The following CAST variants were observed in gnomAD, a reference collection of about 807,000 sequenced individuals.
CAST encodes MIR583 host.
A neutral mutation model predicts 119.6 loss-of-function variants in CAST; 76 were observed. The observed-to-expected ratio is 0.64, with a 90% CI of 0.53 to 0.77. The LOEUF (loss-of-function observed/expected upper bound fraction) is 0.77. Ranked by LOEUF, CAST falls within the 30% of genes least tolerant of loss-of-function variation. The pLI is 0.00. For missense variants in CAST, 953 were observed against 946.5 expected (o/e 1.01, Z -0.09); for synonymous variants, 319 against 331.6 (o/e 0.96, Z 0.41).
chr5:96,125,113 TG>T, the CAST span, among the ~76,000 whole-genome samples: 9 of 152,180 alleles, frequency 5.9e-5, no homozygotes, highest in Admixed American at 2.0e-4. Context: ...CCTTACCAAA[TG>T]AGACTCTGAT....
chr5:96,242,379 C>T, the CAST span, among the ~76,000 whole-genome samples: 4 of 152,108 alleles, frequency 2.6e-5, no homozygotes, highest in African/African-American at 7.2e-5. Flanking sequence ...GATCTTCCCA[C>T]CTCAGCCTCC....
At chr5:96,057,787 A>C in the CAST span, among the ~76,000 whole-genome samples, 1 of 152,182 alleles carries the variant, frequency 6.6e-6, no homozygotes, top group East Asian at 1.9e-4. Context: ...TTTCTGCATG[A>C]AATGTTGTCA....
chr5:96,753,985 T>C, intron 20 of CAST, 75 bp from the exon 21 acceptor site: 5 of 839,456 alleles, frequency 6.0e-6, no homozygotes, highest in Non-Finnish European at 1.0e-5. Context: ...ATGATATGCC[T>C]TTCTGAATTG....
At chr5:96,386,584 G>A in the CAST span, among the ~76,000 whole-genome samples, 1 of 152,298 alleles carries the variant, frequency 6.6e-6, no homozygotes, top group African/African-American at 2.4e-5. Flanking sequence ...TGGTTCTAAA[G>A]TCCGTTTTGT....
the CAST span, among the ~76,000 whole-genome samples, chr5:96,497,016 C>A: frequency 8.6e-6 from 1 of 116,134 alleles, no homozygotes; most frequent in Non-Finnish European, 1.7e-5. Flanking sequence ...CCCCCTCCCC[C>A]CACCCCACAA....
chr5:96,609,545 C>T (rs1747322381), intron 1 of CAST, among the ~76,000 whole-genome samples: 1 of 152,156 alleles, frequency 6.6e-6, no homozygotes, highest in Non-Finnish European at 1.5e-5. Context: ...ATGCTCTTGT[C>T]CTGGGCTGAA....
chr5:96,659,033 T>C (rs1748203617), upstream of CAST, among the ~76,000 whole-genome samples: 1 of 152,226 alleles, frequency 6.6e-6, no homozygotes, highest in Admixed American at 6.5e-5. Context: ...AATCGATTCC[T>C]AGGTAGAACA....
chr5:95,990,604 C>T, the CAST span, among the ~76,000 whole-genome samples: 1 of 151,818 alleles, frequency 6.6e-6, no homozygotes, highest in African/African-American at 2.4e-5. Context: ...TAGAGTTGAG[C>T]TCATACAGCA....
the CAST span, among the ~76,000 whole-genome samples, chr5:96,394,309 A>C: frequency 1.2e-4 from 19 of 152,354 alleles, no homozygotes; most frequent in Admixed American, 3.3e-4. Context: ...CAGGAATGTG[A>C]ACGACTTATT....
the CAST span, among the ~76,000 whole-genome samples, chr5:96,419,220 C>A: frequency 6.7e-6 from 1 of 149,906 alleles, no homozygotes; most frequent in African/African-American, 2.5e-5. Flanking sequence ...TGTTTAAATG[C>A]CAGATATACA....
At chr5:96,538,756 C>CTCCGCTACATGATCTTCTTG (rs1745863610) in intron 1 of CAST, among the ~76,000 whole-genome samples, 1 of 151,376 alleles carries the variant, frequency 6.6e-6, no homozygotes, top group African/African-American at 2.4e-5. Context: ...ACACCGCTCC[C>CTCCGCTACATGATCTTCTTG]TCAGAAATGA....
At chr5:96,207,076 T>C in the CAST span, among the ~76,000 whole-genome samples, 541 of 152,124 alleles carry the variant, frequency 3.6e-3, 2 homozygotes, top group African/African-American at 0.013. Flanking sequence ...GTGAATAGGA[T>C]CACATTCTTG....
the CAST span, among the ~76,000 whole-genome samples, chr5:96,019,145 G>A: frequency 4.3e-3 from 650 of 152,236 alleles, 5 homozygotes; most frequent in African/African-American, 0.014. Flanking sequence ...TAATGTAAAC[G>A]TGGAAATGGA....
At chr5:96,315,126 C>T in the CAST span, among the ~76,000 whole-genome samples, 1 of 152,168 alleles carries the variant, frequency 6.6e-6, no homozygotes, top group African/African-American at 2.4e-5. Flanking sequence ...AATTCTGTGA[C>T]TCTTGTCTCC....
intron 1 of CAST, among the ~76,000 whole-genome samples, chr5:96,637,071 G>A (rs1747896791): frequency 1.3e-5 from 2 of 152,198 alleles, no homozygotes; most frequent in Admixed American, 1.3e-4. Context: ...AGAGTTGCAG[G>A]CTCAGCATGA....
At chr5:96,379,517 A>G in the CAST span, 1 of 152,168 alleles carries the variant, frequency 6.6e-6, no homozygotes, top group Non-Finnish European at 1.5e-5. Context: ...AAATTCTGAT[A>G]AATTACAGAT....
At chr5:95,981,734 G>A in the CAST span, among the ~76,000 whole-genome samples, 1 of 152,162 alleles carries the variant, frequency 6.6e-6, no homozygotes, top group African/African-American at 2.4e-5. Context: ...AATTAGCTGG[G>A]CATGGTGGCA....
At chr5:96,614,346 T>G (rs1487846493) in intron 1 of CAST, among the ~76,000 whole-genome samples, 2 of 152,150 alleles carry the variant, frequency 1.3e-5, no homozygotes, top group African/African-American at 4.8e-5. Flanking sequence ...GTGTGCAATC[T>G]TACCTACTAC....
At chr5:96,391,873 A>G in the CAST span, 2 of 152,384 alleles carry the variant, frequency 1.3e-5, no homozygotes, top group South Asian at 4.1e-4. Context: ...ATTAAGGTCC[A>G]TGGCCTGCCA....
Sources: gnomAD v4.1 joint callset for allele counts (sites outside exome capture counted in the v4.1 genomes callset) on GRCh38, gnomAD v4.1.1 for gene constraint, MANE v1.5 for transcripts, NCBI Gene and HGNC (gene_info 2026-07-23, HGNC 2026-07-21) for gene names.